The following PFKFB3 variants were observed in gnomAD, a reference collection of about 807,000 sequenced individuals.
PFKFB3 encodes the protein 6-phosphofructo-2-kinase/fructose-2,6-biphosphatase 3, also known as 6-phosphofructo-2-kinase/fructose-2,6-bisphosphatase 3.
PFKFB3 carries 33 observed loss-of-function variants against 68.0 expected under a neutral mutation model. The observed-to-expected ratio is 0.49, with a 90% CI of 0.37 to 0.65. The LOEUF (loss-of-function observed/expected upper bound fraction) is 0.65. PFKFB3 is among the 30% of genes least tolerant of loss of function. The pLI is 0.00. For synonymous variants in PFKFB3, 315 were observed against 288.2 expected (o/e 1.09, Z -0.94); for missense variants, 586 against 712.2 (o/e 0.82, Z 2.02).
chr10:6,187,694 G>T (rs1842908415), intron 1 of PFKFB3, among the ~76,000 whole-genome samples: 2 of 152,172 alleles, frequency 1.3e-5, no homozygotes, highest in African/African-American at 2.4e-5. Flanking sequence ...GCTGCCATGG[G>T]TTTAAAAAAG....
In PFKFB3 at chr10:6,145,041, C is replaced by T. The variant is rs987706728; in HGVS notation, c.16+28C>T. On this transcript the variant is annotated intron_variant, in intron 1 of 14. Transcript: ENST00000379789. ...AGGAGTCCCGGTGACGCGGCCCACG[C>T]CCCCAGCGCGCGCGGGGACCTGAGC... is the stretch of plus-strand genomic sequence containing the variant. The T allele has an allele frequency of 3.5e-5, 46 of 1,318,858 alleles. 1 individual carries two copies. The highest frequency in any genetic ancestry group is 4.1e-5 in the Non-Finnish European group (42 of 1,034,738). The allele number at this position is 1,318,858 out of a possible 1,614,324, so 81.7% of individuals were successfully genotyped here.
chr10:6,271,931 G>A, the PFKFB3 span, among the ~76,000 whole-genome samples: 1 of 152,232 alleles, frequency 6.6e-6, no homozygotes, highest in Non-Finnish European at 1.5e-5. Flanking sequence ...GGGTGTGGAA[G>A]TGGGAGAGGC....
intron 1 of PFKFB3, among the ~76,000 whole-genome samples, chr10:6,163,654 G>A (rs929228134): frequency 6.6e-6 from 1 of 151,980 alleles, no homozygotes; most frequent in Non-Finnish European, 1.5e-5. Context: ...GCTGGGTCCC[G>A]GGCCCCGGGA....
Position 6,229,301 on chromosome 10 carries a change from C to T in PFKFB3, c.1515+2936C>T, listed in dbSNP as rs1199936750. The T allele has an allele frequency of 1.5e-5, 6 of 401,084 alleles. No individual in the cohort carries two copies. Among genetic ancestry groups the T allele is most frequent in the African/African-American group, 4.1e-5 (2 of 48,308 alleles). 24.8% of individuals were successfully genotyped at this position (401,084 alleles called of 1,614,324 possible). On this transcript the variant is annotated intron_variant, in intron 14 of 14. Transcript: ENST00000379775. This position sits in a 1 kb window ranked among gnomAD's most constrained non-coding sequence, Gnocchi z 4.3. ...GAGGTCGGCAGGGCAGTCAGTCCCC[C>T]GTTTAATGGTTGAGGGGCTGAGTGA...
chr10:6,154,178 G>A lies in PFKFB3; in HGVS notation c.16+9165G>A, dbSNP rs1841693249. On this transcript the variant is annotated intron_variant, in intron 1 of 14. Transcript: ENST00000379789. The surrounding 1 kb of genome is among the most constrained non-coding windows in gnomAD (Gnocchi z 4.6). ...GCACGTCCTCATCTCCCATGGTAGG[G>A]CCTTGTTTGGCCTCTCAGCTGGAGA... Among the ~76,000 whole-genome samples the A allele has an allele frequency of 6.6e-6, 1 of 152,132 alleles. No homozygotes were observed. Among genetic ancestry groups the A allele is most frequent in the African/African-American group, 2.4e-5 (1 of 41,410 alleles).
chr10:6,169,706 C>T (rs1270750732), intron 1 of PFKFB3, among the ~76,000 whole-genome samples: 1 of 152,164 alleles, frequency 6.6e-6, no homozygotes, highest in Non-Finnish European at 1.5e-5. Context: ...CTAAAAGTCA[C>T]TCAGAATTTG....
At chr10:6,191,879 G>A (rs1222023597) in intron 1 of PFKFB3, among the ~76,000 whole-genome samples, 3 of 152,016 alleles carry the variant, frequency 2.0e-5, no homozygotes, top group African/African-American at 7.3e-5. Context: ...CTCTTTAGCC[G>A]TTTCTCGTAG....
At chr10:6,226,570 C>A in intron 14 of PFKFB3, 1 of 563,594 alleles carries the variant, frequency 1.8e-6, no homozygotes, top group South Asian at 2.2e-5. Flanking sequence ...AGGAAGCACC[C>A]TCCGAAGTTA....
chr10:6,264,618 G>C, the PFKFB3 span, among the ~76,000 whole-genome samples: 3 of 152,038 alleles, frequency 2.0e-5, no homozygotes, highest in South Asian at 4.1e-4. Flanking sequence ...TTAAAGAAAG[G>C]CTGTAAGAAT....
intron 14 of PFKFB3, among the ~76,000 whole-genome samples, chr10:6,253,169 C>T (rs1399858244): frequency 3.3e-5 from 5 of 152,316 alleles, no homozygotes; most frequent in South Asian, 4.1e-4. Flanking sequence ...CCACACGCCT[C>T]GGCCTCCTAA....
chr10:6,303,757 G>A, the PFKFB3 span, among the ~76,000 whole-genome samples: 30 of 145,304 alleles, frequency 2.1e-4, no homozygotes, highest in East Asian at 1.2e-3. Context: ...CCGAGATTGC[G>A]CCACTGCACT....
At chr10:6,243,548 G>A (rs1332060547) in intron 14 of PFKFB3, among the ~76,000 whole-genome samples, 1 of 152,216 alleles carries the variant, frequency 6.6e-6, no homozygotes, top group Non-Finnish European at 1.5e-5. Flanking sequence ...GGAGGCAGCC[G>A]CTTCCTGCAA....
At chr10:6,295,660 G>A in the PFKFB3 span, among the ~76,000 whole-genome samples, 1 of 152,130 alleles carries the variant, frequency 6.6e-6, no homozygotes, top group Non-Finnish European at 1.5e-5. Context: ...CCTGAGTTGG[G>A]TGTTTCTCTT....
chr10:6,146,380 T>C, intron 1 of PFKFB3: 1 of 1,534,836 alleles, frequency 6.5e-7, no homozygotes, highest in Non-Finnish European at 8.7e-7. Flanking sequence ...GGTAGAGAGA[T>C]GGGGGAGGGT....
At chr10:6,156,122 C>CAT (rs555157441) in intron 1 of PFKFB3, among the ~76,000 whole-genome samples, 14 of 100,152 alleles carry the variant, frequency 1.4e-4, no homozygotes, top group African/African-American at 5.9e-4. Flanking sequence ...TATATATGTA[C>CAT]ATATATATGT....
chr10:6,311,797 C>T, the PFKFB3 span, among the ~76,000 whole-genome samples: 50 of 152,118 alleles, frequency 3.3e-4, 1 homozygote, highest in East Asian at 9.6e-3. Flanking sequence ...AAGGCAAACC[C>T]ACAATGGTGT....
intron 1 of PFKFB3, among the ~76,000 whole-genome samples, chr10:6,158,333 C>G (rs1001020995): frequency 6.6e-6 from 1 of 151,930 alleles, no homozygotes; most frequent in Non-Finnish European, 1.5e-5. Context: ...AAAAGTCAGG[C>G]AGTGTGTAAC....
the PFKFB3 span, among the ~76,000 whole-genome samples, chr10:6,312,738 A>T: frequency 6.6e-6 from 1 of 152,186 alleles, no homozygotes; most frequent in Admixed American, 6.5e-5. Flanking sequence ...TATGGAAGTA[A>T]ATTTGGAGAC....
At chr10:6,195,511 A>C (rs1843153657) in intron 1 of PFKFB3, among the ~76,000 whole-genome samples, 1 of 152,200 alleles carries the variant, frequency 6.6e-6, no homozygotes, top group Non-Finnish European at 1.5e-5. Flanking sequence ...CATGCCTCCT[A>C]GGTGGCTGGC....
Sources: allele counts gnomAD v4.1 joint callset (sites outside exome capture counted in the v4.1 genomes callset), GRCh38; gene constraint gnomAD v4.1.1; non-coding constraint Gnocchi (gnomAD v3.1); transcripts MANE v1.5; gene names NCBI Gene and HGNC (gene_info 2026-07-23, HGNC 2026-07-21).